The following KHDRBS3 variants were observed in gnomAD, a reference collection of about 807,000 sequenced individuals.
KHDRBS3 encodes the protein KH RNA binding domain containing, signal transduction associated 3.
Under a neutral mutation model 45.6 loss-of-function variants are expected in KHDRBS3, and 23 were observed. The ratio of observed to expected loss-of-function variants is 0.50; its 90% CI spans 0.36 to 0.72. KHDRBS3 has a LOEUF of 0.72. Ranked by LOEUF, KHDRBS3 falls within the 30% of genes least tolerant of loss-of-function variation. The probability of loss-of-function intolerance (pLI) is 0.00; values close to 1 mark genes in which losing one functional copy is unlikely to be tolerated. For missense variants in KHDRBS3, 352 were observed against 424.8 expected, an observed-to-expected ratio of 0.83 and a Z score of 1.51; for synonymous variants, 162 against 156.5, an observed-to-expected ratio of 1.04 and a Z score of -0.26.
At chr8:135,484,818 C>A (rs373736845) in intron 1 of KHDRBS3, among the ~76,000 whole-genome samples, 12 of 152,154 alleles carry the variant, frequency 7.9e-5, no homozygotes, top group East Asian at 7.7e-4. Flanking sequence ...CAGGTTGCAA[C>A]CCTTAGAAAG....
intron 1 of KHDRBS3, among the ~76,000 whole-genome samples, chr8:135,463,700 C>T (rs190155986): frequency 7.2e-5 from 11 of 152,238 alleles, no homozygotes; most frequent in Non-Finnish European, 4.4e-5. Flanking sequence ...GAGAGTTATC[C>T]GCAGTTTCAG....
chr8:135,636,778 G>A (rs1223587771), intron 7 of KHDRBS3, among the ~76,000 whole-genome samples: 1 of 152,194 alleles, frequency 6.6e-6, no homozygotes, highest in Non-Finnish European at 1.5e-5. Context: ...GTGCATGCCA[G>A]GGACACCCAC....
rs549152613 is a variant in KHDRBS3 at position 135,469,500 on chromosome 8, G to A, written c.88+11546G>A. Among the ~76,000 whole-genome samples, 605 of 137,622 alleles carry A rather than the reference G, an allele frequency of 4.4e-3. 6 individuals carry two copies. Among genetic ancestry groups the A allele is most frequent in the African/African-American group, 0.016 (568 of 35,112 alleles). 90.3% of individuals were successfully genotyped at this position (137,622 alleles called of 152,430 possible). ...GATGGGGTTTCACCATGTTAGCCAG[G>A]ATGGTGTTTTTTTTTTGTTTTGGTT... On this transcript the variant is annotated intron_variant, in intron 1 of 8. Transcript: ENST00000355849.
At chr8:135,486,318 A>G (rs550306058) in intron 1 of KHDRBS3, among the ~76,000 whole-genome samples, 1 of 152,372 alleles carries the variant, frequency 6.6e-6, no homozygotes, top group South Asian at 2.1e-4. Flanking sequence ...CTTGACATGT[A>G]GAAAATAGCA....
intron 3 of KHDRBS3, among the ~76,000 whole-genome samples, chr8:135,548,532 C>T (rs1826423876): frequency 6.6e-6 from 1 of 152,126 alleles, no homozygotes; most frequent in South Asian, 2.1e-4. Flanking sequence ...GGACATTATT[C>T]CAGCAGCAGT....
chr8:135,621,988 G>A (rs72734016), intron 7 of KHDRBS3, among the ~76,000 whole-genome samples: 7,263 of 152,024 alleles, frequency 0.048, 285 homozygotes, highest in East Asian at 0.18. Flanking sequence ...TGGAGCACCC[G>A]GAGCCTGGCT....
At chr8:135,555,101 G>A (rs1168061531) in intron 4 of KHDRBS3, among the ~76,000 whole-genome samples, 1 of 152,134 alleles carries the variant, frequency 6.6e-6, no homozygotes, top group African/African-American at 2.4e-5. Flanking sequence ...GATAGTAGTG[G>A]CTTTACTGTT....
intron 7 of KHDRBS3, among the ~76,000 whole-genome samples, chr8:135,643,640 C>A (rs545292261): frequency 6.6e-6 from 1 of 152,320 alleles, no homozygotes; most frequent in East Asian, 1.9e-4. Flanking sequence ...GTGCCGTAGT[C>A]ATTAAATGTG....
chr8:135,527,710 A>T lies in KHDRBS3; in HGVS notation c.207+6355A>T, dbSNP rs531305355. ...GTTGTAATATGACATTAAATACGTT[A>T]TATCTCTATGTATAATGCTCTGTTT... is the stretch of plus-strand genomic sequence containing the variant. On this transcript the variant is annotated intron_variant, in intron 2 of 8. Coordinates refer to ENST00000355849, the MANE Select transcript of KHDRBS3 (RefSeq NM_006558.3). 1.8e-4 allele frequency among the ~76,000 whole-genome samples: 27 copies of T among 152,364 alleles called. 1 individual carries two copies. The South Asian group carries it at 3.5e-3, about 20-fold the overall frequency.
intron 5 of KHDRBS3, among the ~76,000 whole-genome samples, chr8:135,566,950 A>G (rs1827450009): frequency 1.3e-5 from 2 of 152,314 alleles, no homozygotes; most frequent in South Asian, 2.1e-4. Flanking sequence ...TAATAGAAGA[A>G]ACAGTCACAT....
At chr8:135,469,566 TC>T (rs1450717629) in intron 1 of KHDRBS3, among the ~76,000 whole-genome samples, 1 of 143,462 alleles carries the variant, frequency 7.0e-6, no homozygotes, top group Non-Finnish European at 1.5e-5. Flanking sequence ...TCTCGCTTCT[TC>T]ACCCAGGCTG....
chr8:135,528,955 T>C (rs1411071619), intron 2 of KHDRBS3, among the ~76,000 whole-genome samples: 1 of 152,172 alleles, frequency 6.6e-6, no homozygotes, highest in East Asian at 1.9e-4. Context: ...AGGGGAAACA[T>C]TGAAACCATA....
chr8:135,496,033 ACT>A (rs1259228527), intron 1 of KHDRBS3, among the ~76,000 whole-genome samples: 5 of 150,990 alleles, frequency 3.3e-5, no homozygotes, highest in African/African-American at 1.2e-4. Flanking sequence ...GTAAAAGTAG[ACT>A]CTGCAGATGA....
At chr8:135,572,835 T>C (rs1308212440) in intron 5 of KHDRBS3, among the ~76,000 whole-genome samples, 1 of 150,950 alleles carries the variant, frequency 6.6e-6, no homozygotes, top group East Asian at 1.9e-4. Context: ...AGACTATAAC[T>C]GTAGGCTGTT....
At chr8:135,642,052 AGATCACTAT>A (rs1310644319) in intron 7 of KHDRBS3, among the ~76,000 whole-genome samples, 1 of 152,246 alleles carries the variant, frequency 6.6e-6, no homozygotes, top group Non-Finnish European at 1.5e-5. Flanking sequence ...AGGCAGTCAC[AGATCACTAT>A]GATCATGTGG....
In KHDRBS3 at chr8:135,613,610, C is replaced by T. The variant is rs557976278; in HGVS notation, c.890+6573C>T. On this transcript the variant is annotated intron_variant, in intron 7 of 8. Transcript: ENST00000355849. ...TCTAAATTCCTTCTGCTTGTTGTTT[C>T]ACACAAGAGTGGCTACGAAGAGCAG... Among the ~76,000 whole-genome samples the T allele has an allele frequency of 3.0e-4, 45 of 151,764 alleles. 2 individuals are homozygous for T. Among genetic ancestry groups the T allele is most frequent in the African/African-American group, 1.1e-3 (44 of 41,124 alleles).
At chr8:135,488,642 C>G (rs1178521132) in intron 1 of KHDRBS3, among the ~76,000 whole-genome samples, 1 of 151,998 alleles carries the variant, frequency 6.6e-6, no homozygotes, top group African/African-American at 2.4e-5. Flanking sequence ...AGAAATAGAC[C>G]AATATGAGGA....
intron 4 of KHDRBS3, among the ~76,000 whole-genome samples, chr8:135,653,425 A>G (rs1831469712): frequency 6.6e-6 from 1 of 152,206 alleles, no homozygotes; most frequent in Non-Finnish European, 1.5e-5. Flanking sequence ...CCCTACTACA[A>G]TAGTTTGACT....
At chr8:135,620,122 G>C (rs1486452146) in intron 7 of KHDRBS3, among the ~76,000 whole-genome samples, 1 of 150,320 alleles carries the variant, frequency 6.7e-6, no homozygotes, top group Non-Finnish European at 1.5e-5. Context: ...GCCCAGGCTG[G>C]TATATAGTGG....
Sources: gnomAD v4.1 joint callset for allele counts (sites outside exome capture counted in the v4.1 genomes callset) on GRCh38, gnomAD v4.1.1 for gene constraint, MANE v1.5 for transcripts, NCBI Gene and HGNC (gene_info 2026-07-23, HGNC 2026-07-21) for gene names.